Variants in HDAC9 observed in about 807,000 individuals in gnomAD.
HDAC9 encodes the protein histone deacetylase 9, also known as MEF-2 interacting transcription repressor (MITR) protein.
In HDAC9, 41 loss-of-function variants were observed where a neutral mutation model predicts 139.4. The ratio of observed to expected loss-of-function variants is 0.29; its 90% CI spans 0.23 to 0.38. The LOEUF is 0.38. Among genes scored for constraint, HDAC9 ranks in the 10% least tolerant of loss-of-function variants. The probability of loss-of-function intolerance (pLI) is 1.00; values close to 1 mark genes in which losing one functional copy is unlikely to be tolerated. For synonymous variants in HDAC9, 517 were observed against 476.2 expected, an observed-to-expected ratio of 1.09 and a Z score of -1.12; for missense variants, 1,147 against 1,297.0, an observed-to-expected ratio of 0.88 and a Z score of 1.78.
chr7:18,218,360 C>A (rs1792456738), intron 2 of HDAC9, among the ~76,000 whole-genome samples: 1 of 152,080 alleles, frequency 6.6e-6, no homozygotes, highest in African/African-American at 2.4e-5. Flanking sequence ...ATAAGAACCA[C>A]TTGAACCTGG....
chr7:18,320,818 C>T (rs1287892143), intron 1 of HDAC9, among the ~76,000 whole-genome samples: 1 of 152,040 alleles, frequency 6.6e-6, no homozygotes, highest in African/African-American at 2.4e-5. Context: ...GGGGGTAGAC[C>T]CTATTTGCTT....
chr7:18,939,274 C>A (rs1781862575), intron 23 of HDAC9, among the ~76,000 whole-genome samples: 1 of 151,966 alleles, frequency 6.6e-6, no homozygotes, highest in Non-Finnish European at 1.5e-5. Flanking sequence ...ATATAGAATT[C>A]CTAGCAGATA....
chr7:18,426,533 A>G (rs909037947), intron 1 of HDAC9, among the ~76,000 whole-genome samples: 1 of 152,188 alleles, frequency 6.6e-6, no homozygotes, highest in Admixed American at 6.5e-5. Flanking sequence ...ATCATAGTTT[A>G]TCTGATGTAT....
Position 18,507,260 on chromosome 7 carries a change from G to A in HDAC9, c.22+10936G>A, listed in dbSNP as rs1004865800. Among the ~76,000 whole-genome samples the A allele has an allele frequency of 5.3e-5, 8 of 150,518 alleles. No homozygotes were observed. The East Asian group carries it at 1.2e-3, about 22-fold the overall frequency. On this transcript the variant is annotated intron_variant, in intron 2 of 25. Coordinates refer to ENST00000686413, the MANE Select transcript of HDAC9 (RefSeq NM_178425.4). ...GGCTGGAGTGCAGTGGCGCGATCTCGGCTCACTGCAAGCTCCACCTCCCGG... is the reference window on the plus strand; with the variant it reads ...GGCTGGAGTGCAGTGGCGCGATCTCAGCTCACTGCAAGCTCCACCTCCCGG...
intron 2 of HDAC9, among the ~76,000 whole-genome samples, chr7:18,181,771 A>G (rs181031170): frequency 2.8e-4 from 43 of 152,232 alleles, no homozygotes; most frequent in Non-Finnish European, 8.8e-5. Flanking sequence ...AAAAAATCTT[A>G]TTAGCAGATT....
chr7:18,149,887 C>T (rs566458504), intron 1 of HDAC9, among the ~76,000 whole-genome samples: 18 of 151,532 alleles, frequency 1.2e-4, no homozygotes, highest in African/African-American at 4.4e-4. Flanking sequence ...GTGGAAATGG[C>T]GTCTTGCTAT....
chr7:18,235,711 T>C (rs1562777986), intron 2 of HDAC9, among the ~76,000 whole-genome samples: 1 of 152,228 alleles, frequency 6.6e-6, no homozygotes, highest in Non-Finnish European at 1.5e-5. Flanking sequence ...GAGATTGCCA[T>C]GGCAGGGAAG....
At chr7:18,558,633 A>G (rs572727671) in intron 2 of HDAC9, among the ~76,000 whole-genome samples, 2 of 152,216 alleles carry the variant, frequency 1.3e-5, no homozygotes, top group Non-Finnish European at 2.9e-5. Context: ...CCAGAAAACC[A>G]ACTTTAATTG....
At chr7:18,707,191 A>C (rs564715728) in intron 12 of HDAC9, among the ~76,000 whole-genome samples, 1 of 152,352 alleles carries the variant, frequency 6.6e-6, no homozygotes, top group African/African-American at 2.4e-5. Context: ...AGACTGTTTC[A>C]AGAAGGAGAG....
intron 1 of HDAC9, among the ~76,000 whole-genome samples, chr7:18,394,015 AG>A (rs1211337889): frequency 6.6e-6 from 1 of 152,186 alleles, no homozygotes; most frequent in African/African-American, 2.4e-5. Flanking sequence ...ATTTAAAGCT[AG>A]ACTTTTTTGG....
chr7:18,159,289 T>C (rs1787449020), intron 1 of HDAC9, among the ~76,000 whole-genome samples: 1 of 152,190 alleles, frequency 6.6e-6, no homozygotes, highest in Non-Finnish European at 1.5e-5. Flanking sequence ...TCTACCTACC[T>C]GAAGGCGAGT....
chr7:18,793,800 A>C (rs1016077400), intron 17 of HDAC9, among the ~76,000 whole-genome samples: 1 of 152,206 alleles, frequency 6.6e-6, no homozygotes, highest in African/African-American at 2.4e-5. Flanking sequence ...CAATTTTAAA[A>C]ATATGATTAC....
At chr7:18,199,263 A>T (rs1790934722) in intron 2 of HDAC9, among the ~76,000 whole-genome samples, 1 of 152,148 alleles carries the variant, frequency 6.6e-6, no homozygotes, top group South Asian at 2.1e-4. Context: ...CAATAGATAT[A>T]ATTTAAAATT....
At chr7:18,771,422 A>G (rs981514982) in intron 16 of HDAC9, among the ~76,000 whole-genome samples, 1 of 152,104 alleles carries the variant, frequency 6.6e-6, no homozygotes, top group African/African-American at 2.4e-5. Context: ...TTTCAGTTGT[A>G]TATCAACTAT....
intron 13 of HDAC9, among the ~76,000 whole-genome samples, chr7:18,747,929 A>G (rs1788122674): frequency 6.6e-6 from 1 of 152,198 alleles, no homozygotes; most frequent in Admixed American, 6.5e-5. Flanking sequence ...CTTCTTTTAC[A>G]GCATAAATTA....
At chr7:18,261,149 A>T (rs1008781401) in intron 2 of HDAC9, among the ~76,000 whole-genome samples, 22 of 59,822 alleles carry the variant, frequency 3.7e-4, no homozygotes, top group African/African-American at 7.0e-4. Context: ...CAAAAAATTA[A>T]AAAAAAAAAT....
At chr7:18,478,116 G>C (rs1002197171) in intron 1 of HDAC9, among the ~76,000 whole-genome samples, 29 of 151,414 alleles carry the variant, frequency 1.9e-4, no homozygotes, top group Non-Finnish European at 3.4e-4. Context: ...CTGTCGCCCA[G>C]GCTGGAGTGC....
chr7:18,795,939 A>G (rs533513899), intron 17 of HDAC9, among the ~76,000 whole-genome samples: 1 of 152,348 alleles, frequency 6.6e-6, no homozygotes, highest in South Asian at 2.1e-4. Context: ...AGGGAAGCTT[A>G]TTCAAGGACA....
chr7:18,967,491 A>C (rs184056223), intron 24 of HDAC9, among the ~76,000 whole-genome samples: 3 of 137,932 alleles, frequency 2.2e-5, no homozygotes, highest in Middle Eastern at 3.8e-3. Context: ...TTTGTAAATA[A>C]AGTTGCCCCC....
Sources: allele counts gnomAD v4.1 joint callset (sites outside exome capture counted in the v4.1 genomes callset), GRCh38; gene constraint gnomAD v4.1.1; transcripts MANE v1.5; gene names NCBI Gene and HGNC (gene_info 2026-07-23, HGNC 2026-07-21).